Variants in PHACTR4 observed in about 807,000 individuals in gnomAD.
PHACTR4 encodes protein phosphatase 1, regulatory subunit 124.
PHACTR4 carries 51 observed loss-of-function variants against 72.7 expected under a neutral mutation model. The observed-to-expected ratio is 0.70, with a 90% confidence interval of 0.56 to 0.89. PHACTR4 has a LOEUF of 0.89. Ranked by LOEUF, PHACTR4 falls within the 40% of genes least tolerant of loss-of-function variation. PHACTR4 has a pLI of 0.00. For missense variants in PHACTR4, 731 were observed against 861.8 expected, an observed-to-expected ratio of 0.85 and a Z score of 1.90; for synonymous variants, 255 against 302.5, an observed-to-expected ratio of 0.84 and a Z score of 1.63.
chr1:28,488,528 G>A (rs1008051372), intron 9 of PHACTR4, among the ~76,000 whole-genome samples: 2 of 151,968 alleles, frequency 1.3e-5, no homozygotes, highest in African/African-American at 4.8e-5. Flanking sequence ...AATGGCTTGC[G>A]CCTATAATCC....
chr1:28,482,599 T>C (rs1213028692), intron 9 of PHACTR4, among the ~76,000 whole-genome samples: 1 of 152,104 alleles, frequency 6.6e-6, no homozygotes. Flanking sequence ...AATTAATTGA[T>C]CATGTCTACT....
At chr1:28,372,870 A>G (rs1204318208) in intron 1 of PHACTR4, among the ~76,000 whole-genome samples, 1 of 151,680 alleles carries the variant, frequency 6.6e-6, no homozygotes, top group Non-Finnish European at 1.5e-5. Flanking sequence ...AAAAAAACAC[A>G]GAAATAATAA....
At chr1:28,419,498 A>G (rs1655368840) in intron 2 of PHACTR4, among the ~76,000 whole-genome samples, 1 of 151,748 alleles carries the variant, frequency 6.6e-6, no homozygotes, top group African/African-American at 2.4e-5. Context: ...ATATACACAC[A>G]CACACTTTTT....
At position 28,489,965 on chromosome 1, in the gene PHACTR4, G is replaced by A. The variant is rs547212157; in HGVS notation, c.1816+740G>A. The stretch of plus-strand genomic sequence containing the variant: ...CTTATAACGTATCACACAAAACTCA[G>A]TGTGATCACCATTGTCCATTCTTAG... On this transcript the variant is annotated intron_variant, in intron 10 of 13. Coordinates refer to ENST00000373839, the MANE Select transcript of PHACTR4 (RefSeq NM_001048183.3). The A allele has an allele frequency of 2.2e-4, 113 of 504,178 alleles. No homozygotes were observed. The East Asian group carries it at 5.6e-3, about 25-fold the overall frequency. 31.2% of individuals were successfully genotyped at this position (504,178 alleles called of 1,614,324 possible).
intron 1 of PHACTR4, among the ~76,000 whole-genome samples, chr1:28,394,176 C>T (rs550483355): frequency 1.3e-5 from 2 of 150,738 alleles, no homozygotes; most frequent in East Asian, 3.9e-4. Context: ...CAGTGATATT[C>T]TTGATCCTGT....
intron 1 of PHACTR4, among the ~76,000 whole-genome samples, chr1:28,396,390 G>A (rs1653501215): frequency 6.6e-6 from 1 of 151,632 alleles, no homozygotes; most frequent in Non-Finnish European, 1.5e-5. Context: ...AATTAGCTGG[G>A]CGTGGTGGTA....
chr1:28,459,814 T>C (rs1001184306), intron 3 of PHACTR4, among the ~76,000 whole-genome samples: 18 of 152,186 alleles, frequency 1.2e-4, no homozygotes, highest in Non-Finnish European at 7.3e-5. Flanking sequence ...TATTGAGTGG[T>C]GAATGGAGTT....
chr1:28,476,045 T>G, intron 7 of PHACTR4, 62 bp from the exon 8 acceptor site: 1 of 1,484,462 alleles, frequency 6.7e-7, no homozygotes, highest in African/African-American at 1.4e-5. Flanking sequence ...CAGTCCTTTG[T>G]CTTAAAAGTC....
At chr1:28,419,048 T>TTTTTTTTTTTTTTTTTTTTTTTTGAGA (rs1278920262) in intron 2 of PHACTR4, among the ~76,000 whole-genome samples, 4 of 149,488 alleles carry the variant, frequency 2.7e-5, no homozygotes, top group African/African-American at 1.0e-4. Flanking sequence ...ATGATTTTTT[T>TTTTTTTTTTTTTTTTTTTTTTTTGAGA]CTAGGGAAGT....
At position 28,480,497 on chromosome 1, in the gene PHACTR4, G is replaced by T. The variant is rs377530308; in HGVS notation, c.1653G>T (p.Lys551Asn). ...KVKRKDTLAM[K>N]LNHRPSEPEL... The stretch of plus-strand genomic sequence containing the variant: ...AGAGGAAAGACACACTGGCAATGAA[G>T]TTGAACCACAGACCCAGTGAACCAG... The change falls in exon 9 of 14, where the codon AAG becomes AAT. Residue 551 changes from lysine (K) to asparagine (N), a missense_variant. Transcript: ENST00000373839. 1.1e-4 allele frequency: 172 copies of T among 1,614,166 alleles called. No individual in the cohort carries two copies. The highest frequency in any genetic ancestry group is 3.2e-4 in the Admixed American group (19 of 59,984).
chr1:28,453,204 A>G (rs1254207960), intron 2 of PHACTR4, among the ~76,000 whole-genome samples: 1 of 152,198 alleles, frequency 6.6e-6, no homozygotes, highest in Non-Finnish European at 1.5e-5. Context: ...ACCTCCTATT[A>G]CTATTGAAGT....
chr1:28,374,899 T>G (rs1364215133), intron 1 of PHACTR4, among the ~76,000 whole-genome samples: 1 of 152,226 alleles, frequency 6.6e-6, no homozygotes. Context: ...TGGATGTAAT[T>G]GATTCCTGCT....
chr1:28,452,162 A>G (rs1168632016), intron 2 of PHACTR4, among the ~76,000 whole-genome samples: 1 of 152,076 alleles, frequency 6.6e-6, no homozygotes, highest in Non-Finnish European at 1.5e-5. Flanking sequence ...ATGTTTTTCA[A>G]TAAATGTATT....
intron 1 of PHACTR4, among the ~76,000 whole-genome samples, chr1:28,384,189 G>GA (rs1652396342): frequency 6.6e-6 from 1 of 152,130 alleles, no homozygotes; most frequent in African/African-American, 2.4e-5. Context: ...AATGAGTTAG[G>GA]AAGGAGTCCC....
At chr1:28,401,456 G>A (rs980645183) in intron 1 of PHACTR4, among the ~76,000 whole-genome samples, 9 of 151,778 alleles carry the variant, frequency 5.9e-5, no homozygotes, top group African/African-American at 2.2e-4. Context: ...ACAGGCGCCC[G>A]CCACCATGCC....
intron 2 of PHACTR4, among the ~76,000 whole-genome samples, chr1:28,426,824 AG>A (rs1655897034): frequency 6.6e-6 from 1 of 152,032 alleles, no homozygotes; most frequent in African/African-American, 2.4e-5. Flanking sequence ...CTGGGATTAC[AG>A]TAATGAACCT....
At chr1:28,462,629 G>A (rs1333141464) in intron 4 of PHACTR4, among the ~76,000 whole-genome samples, 1 of 148,120 alleles carries the variant, frequency 6.8e-6, no homozygotes, top group Middle Eastern at 3.2e-3. Context: ...GCCTTCCAAA[G>A]TTCTGGGATT....
chr1:28,442,192 C>T (rs568607587), intron 2 of PHACTR4, among the ~76,000 whole-genome samples: 42 of 151,312 alleles, frequency 2.8e-4, no homozygotes, highest in Non-Finnish European at 5.6e-4. Flanking sequence ...TTTGGCTGGG[C>T]GCAGTGTCTC....
intron 9 of PHACTR4, among the ~76,000 whole-genome samples, chr1:28,487,315 G>A (rs1012277842): frequency 4.0e-5 from 6 of 151,548 alleles, no homozygotes; most frequent in African/African-American, 1.2e-4. Flanking sequence ...GCAGTGAGCC[G>A]AGATCAAGCC....
Sources: allele counts gnomAD v4.1 joint callset (sites outside exome capture counted in the v4.1 genomes callset), GRCh38; gene constraint gnomAD v4.1.1; transcripts MANE v1.5; gene names NCBI Gene and HGNC (gene_info 2026-07-23, HGNC 2026-07-21).